Variants in STPG2 observed in about 807,000 individuals in gnomAD.
STPG2 encodes the protein sperm tail PG-rich repeat containing 2.
A neutral mutation model predicts 54.2 loss-of-function variants in STPG2; 56 were observed. The ratio of observed to expected loss-of-function variants is 1.03; its 90% CI spans 0.83 to 1.29. STPG2 has a LOEUF of 1.29. STPG2 is among the 50% of genes most tolerant of loss of function. The pLI is 0.00. For missense variants in STPG2, 596 were observed against 544.9 expected (o/e 1.09, Z -0.93); for synonymous variants, 200 against 181.8 (o/e 1.10, Z -0.81).
At position 97,590,169 on chromosome 4, in the gene STPG2, A is replaced by T. The variant is rs564420501; in HGVS notation, c.1321-31052T>A. Among the ~76,000 whole-genome samples, 9 of 152,280 alleles carry T rather than the reference A, an allele frequency of 5.9e-5. No individual in the cohort carries two copies. In the East Asian group the frequency reaches 1.7e-3, roughly 29 times the overall value. On this transcript the variant is annotated intron_variant, in intron 10 of 10. Transcript: ENST00000295268. ...AAATACATATACTTATATAGAAAAC[A>T]TTCTCATATAATTTATATATGCATA...
chr4:97,472,492 G>A (rs1223841668), intron 4 of STPG2, among the ~76,000 whole-genome samples: 2 of 152,156 alleles, frequency 1.3e-5, no homozygotes, highest in African/African-American at 4.8e-5. Context: ...CTGCTCTCAG[G>A]AAGAAAATAT....
At chr4:97,497,752 A>C (rs928916688) in intron 4 of STPG2, among the ~76,000 whole-genome samples, 1 of 151,866 alleles carries the variant, frequency 6.6e-6, no homozygotes, top group African/African-American at 2.4e-5. Flanking sequence ...TCTATTGGAG[A>C]AATGCATATG....
At chr4:97,781,782 G>A (rs1413026229) in intron 9 of STPG2, among the ~76,000 whole-genome samples, 1 of 151,928 alleles carries the variant, frequency 6.6e-6, no homozygotes, top group Non-Finnish European at 1.5e-5. Context: ...TTCAACATAG[G>A]CAAATCAATA....
intron 10 of STPG2, among the ~76,000 whole-genome samples, chr4:97,619,243 G>C (rs907713573): frequency 1.3e-5 from 2 of 152,036 alleles, no homozygotes; most frequent in Non-Finnish European, 2.9e-5. Context: ...GTGTGTATGT[G>C]TGTGTGTGTG....
intron 10 of STPG2, among the ~76,000 whole-genome samples, chr4:97,597,718 T>C (rs952909035): frequency 8.5e-5 from 13 of 152,114 alleles, no homozygotes; most frequent in African/African-American, 3.1e-4. Flanking sequence ...AAATGAGGCA[T>C]TGAAACAACA....
intron 8 of STPG2, among the ~76,000 whole-genome samples, chr4:97,859,698 C>T (rs1365332064): frequency 6.6e-6 from 1 of 152,082 alleles, no homozygotes; most frequent in Non-Finnish European, 1.5e-5. Flanking sequence ...ATCCTGACCT[C>T]GTGATCCGCC....
At chr4:98,123,700 G>A (rs1377202821) in intron 3 of STPG2, among the ~76,000 whole-genome samples, 1 of 152,126 alleles carries the variant, frequency 6.6e-6, no homozygotes, top group Admixed American at 6.6e-5. Flanking sequence ...ATATCTATCA[G>A]GTCCAGGTGA....
chr4:97,878,116 G>A (rs1730243166), intron 8 of STPG2, among the ~76,000 whole-genome samples: 1 of 152,180 alleles, frequency 6.6e-6, no homozygotes, highest in South Asian at 2.1e-4. Flanking sequence ...GATGCAAGAG[G>A]TGGGTCCCCA....
intron 8 of STPG2, among the ~76,000 whole-genome samples, chr4:97,844,378 C>T (rs1035064730): frequency 1.3e-5 from 2 of 151,890 alleles, no homozygotes; most frequent in African/African-American, 4.8e-5. Flanking sequence ...TTTTCCTTTA[C>T]CATGCAATGG....
intron 8 of STPG2, among the ~76,000 whole-genome samples, chr4:97,919,338 T>C (rs924679686): frequency 6.7e-6 from 1 of 149,886 alleles, no homozygotes; most frequent in Non-Finnish European, 1.5e-5. Flanking sequence ...AGAAAAAATA[T>C]AAAGAAATAG....
chr4:97,876,765 T>C (rs1730186071), intron 8 of STPG2, among the ~76,000 whole-genome samples: 1 of 151,994 alleles, frequency 6.6e-6, no homozygotes, highest in African/African-American at 2.4e-5. Context: ...ATAAACAGTA[T>C]TTCATTAAAG....
intron 8 of STPG2, among the ~76,000 whole-genome samples, chr4:97,872,067 G>C (rs900910484): frequency 1.3e-5 from 2 of 150,956 alleles, no homozygotes; most frequent in Non-Finnish European, 3.0e-5. Context: ...ATGTTAGAAA[G>C]ACCTTTAACA....
At chr4:98,086,935 GA>G (rs1407408389) in intron 5 of STPG2, among the ~76,000 whole-genome samples, 3 of 152,124 alleles carry the variant, frequency 2.0e-5, no homozygotes, top group African/African-American at 7.2e-5. Flanking sequence ...TTACATTATA[GA>G]ATTTTTTTGC....
At chr4:97,903,294 T>A (rs986969284) in intron 8 of STPG2, among the ~76,000 whole-genome samples, 2 of 152,120 alleles carry the variant, frequency 1.3e-5, no homozygotes, top group Non-Finnish European at 2.9e-5. Flanking sequence ...TATTCTACAA[T>A]GTATGTGCAT....
intron 4 of STPG2, among the ~76,000 whole-genome samples, chr4:97,550,431 G>A (rs1731938704): frequency 6.6e-6 from 1 of 152,038 alleles, no homozygotes; most frequent in South Asian, 2.1e-4. Flanking sequence ...AAATTCAGTG[G>A]CATGTGTGGA....
chr4:98,059,224 C>G (rs1435941178), intron 5 of STPG2, among the ~76,000 whole-genome samples: 1 of 152,038 alleles, frequency 6.6e-6, no homozygotes, highest in Non-Finnish European at 1.5e-5. Flanking sequence ...CACCTTTGTG[C>G]ACACAAACTA....
At chr4:97,754,987 T>C (rs1417974650) in intron 9 of STPG2, among the ~76,000 whole-genome samples, 1 of 152,138 alleles carries the variant, frequency 6.6e-6, no homozygotes, top group African/African-American at 2.4e-5. Flanking sequence ...ACCACTCTGG[T>C]GAATGGATGA....
chr4:98,143,293 G>C lies in STPG2; in HGVS notation c.-143C>G. The C allele has an allele frequency of 1.6e-6, 1 of 620,464 alleles. No homozygotes were observed. The highest frequency in any genetic ancestry group is 2.8e-6 in the Non-Finnish European group (1 of 354,026). 38.4% of individuals were successfully genotyped at this position (620,464 alleles called of 1,614,324 possible). A position where few individuals can be genotyped will look rare whatever the true frequency, so the allele number is the denominator to read the frequency against. ...ACTTCCGTAAACAGGGAAATTAGGGGTGGGGTTGTCTCCCCGCCCGCTCAT... is the reference window on the plus strand; with the variant it reads ...ACTTCCGTAAACAGGGAAATTAGGGCTGGGGTTGTCTCCCCGCCCGCTCAT... On this transcript the variant is annotated 5_prime_UTR_variant, in exon 1 of 11. Transcript: ENST00000295268.
At chr4:97,762,017 G>T (rs1014393285) in intron 9 of STPG2, among the ~76,000 whole-genome samples, 3 of 151,844 alleles carry the variant, frequency 2.0e-5, no homozygotes, top group Non-Finnish European at 2.9e-5. Context: ...AAGTGAACTG[G>T]GAAAAAAAAA....
Sources: allele counts gnomAD v4.1 joint callset (sites outside exome capture counted in the v4.1 genomes callset), GRCh38; gene constraint gnomAD v4.1.1; transcripts MANE v1.5; gene names NCBI Gene and HGNC (gene_info 2026-07-23, HGNC 2026-07-21).